The following IL6R variants were observed in gnomAD, a reference collection of about 807,000 sequenced individuals.
IL6R encodes the protein interleukin 6 receptor.
Under a neutral mutation model 48.3 loss-of-function variants are expected in IL6R, and 38 were observed. That is an observed-to-expected ratio of 0.79 (90% CI 0.61 to 1.03). The LOEUF (loss-of-function observed/expected upper bound fraction) is 1.03. Ranked by LOEUF, IL6R falls within the 50% of genes least tolerant of loss-of-function variation. The probability of loss-of-function intolerance (pLI) is 0.00; values close to 1 mark genes in which losing one functional copy is unlikely to be tolerated. For missense variants in IL6R, 534 were observed against 618.3 expected, an observed-to-expected ratio of 0.86 and a Z score of 1.45; for synonymous variants, 264 against 256.2, an observed-to-expected ratio of 1.03 and a Z score of -0.29.
At position 154,449,912 on chromosome 1, in the gene IL6R, C is replaced by A; in HGVS notation, c.998C>A (p.Ala333Glu). Residue 333 changes from alanine (A) to glutamate (E), a missense_variant and splice_region_variant, in exon 8 of 10, where the codon GCA becomes GAA. Ala to Glu is a moderately radical substitution (Grantham distance 107, BLOSUM62 -1). Coordinates refer to ENST00000368485, the MANE Select transcript of IL6R (RefSeq NM_000565.4). Reference protein sequence around the residue: ...AENEVSTPMQALTTNKDDDNI... With the variant: ...AENEVSTPMQELTTNKDDDNI... ...GATGGTGAGGAATGTCTCTTTTAGG[C>A]ACTTACTACTAATAAAGACGATGAT... 1 of 1,597,922 alleles carries A rather than the reference C, an allele frequency of 6.3e-7. No individual in the cohort carries two copies. The highest frequency in any genetic ancestry group is 8.6e-7 in the Non-Finnish European group (1 of 1,165,288).
intron 9 of IL6R, among the ~76,000 whole-genome samples, chr1:154,461,097 A>G (rs1056781432): frequency 1.2e-4 from 19 of 152,292 alleles, no homozygotes; most frequent in African/African-American, 3.8e-4. Flanking sequence ...TGAAGCAGAG[A>G]GCAGGCAGCA....
At chr1:154,417,895 C>T (rs768368223) in intron 1 of IL6R, among the ~76,000 whole-genome samples, 5 of 151,980 alleles carry the variant, frequency 3.3e-5, no homozygotes, top group South Asian at 2.1e-4. Context: ...CCACCATACC[C>T]GGCTAATTTT....
chr1:154,460,907 C>T (rs1691218514), intron 9 of IL6R, among the ~76,000 whole-genome samples: 3 of 152,108 alleles, frequency 2.0e-5, no homozygotes, highest in Admixed American at 6.5e-5. Flanking sequence ...GCACCTGGGC[C>T]TGCGGGACCA....
At chr1:154,463,583 G>A (rs1357276939) in intron 9 of IL6R, among the ~76,000 whole-genome samples, 1 of 152,198 alleles carries the variant, frequency 6.6e-6, no homozygotes, top group African/African-American at 2.4e-5. Flanking sequence ...AATTGAGGGA[G>A]GCCACCTTGT....
intron 1 of IL6R, among the ~76,000 whole-genome samples, chr1:154,422,948 A>T (rs1298265631): frequency 6.6e-6 from 1 of 152,114 alleles, no homozygotes; most frequent in East Asian, 1.9e-4. Context: ...CCCAGGGAAC[A>T]GAAAAACAGA....
intron 1 of IL6R, among the ~76,000 whole-genome samples, chr1:154,428,987 T>C (rs1272197446): frequency 6.6e-6 from 1 of 152,110 alleles, no homozygotes; most frequent in Non-Finnish European, 1.5e-5. Flanking sequence ...GGCTGGATCA[T>C]GGCTTCAGAA....
rs774739787 is a variant in IL6R, at chr1:154,454,493, G to A, written c.1072G>A (p.Asp358Asn). 1 of 1,609,054 alleles carries A rather than the reference G, an allele frequency of 6.2e-7. No homozygotes were observed. Among genetic ancestry groups the A allele is most frequent in the Admixed American group, 1.7e-5 (1 of 59,906 alleles). ...CAATTTTTTTTTTAACCTAGTGCAA[G>A]ATTCTTCTTCAGTACCACTGCCCAC... ...SANATSLPVQ[D>N]SSSVPLPTFL... Residue 358 changes from aspartate to asparagine, a missense_variant, in exon 9 of 10, where the codon GAT becomes AAT. Asp to Asn is a conservative substitution (Grantham distance 23). Coordinates refer to ENST00000368485, the MANE Select transcript of IL6R (RefSeq NM_000565.4).
At position 154,432,397 on chromosome 1, in the gene IL6R, G is replaced by A. The variant is rs372672075; in HGVS notation, c.458+1791G>A. On this transcript the variant is annotated intron_variant, in intron 3 of 9. Coordinates refer to ENST00000368485, the MANE Select transcript of IL6R (RefSeq NM_000565.4). ...TTTTGAGATGGAGTTTCGCTCTGTC[G>A]CCCAGGCTGGAGTGCAGTGGTGGGA... Among the ~76,000 whole-genome samples, 6 of 144,666 alleles carry A rather than the reference G, an allele frequency of 4.1e-5. No homozygotes were observed. The East Asian group carries it at 8.0e-4, about 19-fold the overall frequency. The allele number at this position is 144,666 out of a possible 152,430, so 94.9% of individuals were successfully genotyped here.
At chr1:154,462,389 T>C (rs1428816903) in intron 9 of IL6R, among the ~76,000 whole-genome samples, 1 of 151,912 alleles carries the variant, frequency 6.6e-6, no homozygotes, top group Non-Finnish European at 1.5e-5. Flanking sequence ...TTTTTTTTTT[T>C]TGAGACGGAG....
chr1:154,414,671 C>T (rs1002451969), intron 1 of IL6R: 1 of 858,618 alleles, frequency 1.2e-6, no homozygotes, highest in African/African-American at 1.7e-5. Flanking sequence ...AGGATGTTAC[C>T]CTTGGCCAGG....
In IL6R at chr1:154,429,202, C is replaced by T. The variant is rs868345266; in HGVS notation, c.92C>T (p.Ala31Val). ...APRRCPAQEV[A>V]RGVLTSLPGD... is the part of the protein sequence containing the mutation. ...TGTCTTCTCCCTCCTCCAGAGGTGG[C>T]GAGAGGCGTGCTGACCAGTCTGCCA... Residue 31 changes from alanine (A) to valine (V), a missense_variant, in exon 2 of 10, where the codon GCG becomes GTG. Ala to Val is a moderately conservative substitution (Grantham distance 64). Transcript: ENST00000368485. 7.5e-6 allele frequency: 12 copies of T among 1,610,524 alleles called. No individual in the cohort carries two copies. Among genetic ancestry groups the T allele is most frequent in the Admixed American group, 1.7e-5 (1 of 59,946 alleles).
chr1:154,446,657 G>C (rs11265614), intron 6 of IL6R, among the ~76,000 whole-genome samples: 9,809 of 152,220 alleles, frequency 0.064, 862 homozygotes, highest in African/African-American at 0.2. Flanking sequence ...TCCCGTGCAG[G>C]GGGAGGGAGC....
chr1:154,441,139 A>G (rs1215190135), intron 6 of IL6R, among the ~76,000 whole-genome samples: 1 of 152,228 alleles, frequency 6.6e-6, no homozygotes, highest in Non-Finnish European at 1.5e-5. Context: ...CCAGACCTGC[A>G]TCTGCTTGGG....
In IL6R at chr1:154,429,395, A is replaced by G. The variant is rs113787847; in HGVS notation, c.285A>G (p.Ser95=). 5.1e-5 allele frequency: 82 copies of G among 1,613,836 alleles called. No homozygotes were observed. The African/African-American group carries it at 7.1e-4, about 14-fold the overall frequency. ...SVQLHDSGNY[S]CYRAGRPAGT... ...AGCTCCACGACTCTGGAAACTATTC[A>G]TGCTACCGGGCCGGCCGCCCAGCTG... Residue 95 remains serine, a synonymous_variant, in exon 2 of 10, where the codon TCA becomes TCG. Transcript: ENST00000368485.
intron 6 of IL6R, 109 bp downstream of exon 6, chr1:154,436,219 G>GA: frequency 1.6e-6 from 2 of 1,257,720 alleles, no homozygotes; most frequent in Non-Finnish European, 2.2e-6. Flanking sequence ...GGCCAGGTGT[G>GA]GTGGCTCACA....
At position 154,430,576 on chromosome 1, in the gene IL6R, C is replaced by T. The variant is rs147394499; in HGVS notation, c.428C>T (p.Thr143Met). Residue 143 changes from threonine (T) to methionine (M), a missense_variant, in exon 3 of 10, where the codon ACG becomes ATG. Physicochemically the swap from Thr to Met is moderately conservative, Grantham distance 81. Coordinates refer to ENST00000368485, the MANE Select transcript of IL6R (RefSeq NM_000565.4). ...GGTCCTCGGAGCACCCCATCCCTGA[C>T]GACAAAGGCTGTGCTCTTGGTGAGG... is the stretch of plus-strand genomic sequence containing the variant. ...EWGPRSTPSL[T>M]TKAVLLVRKF... 1.4e-5 allele frequency: 22 copies of T among 1,614,062 alleles called. No homozygotes were observed. Among genetic ancestry groups the T allele is most frequent in the African/African-American group, 5.3e-5 (4 of 74,908 alleles).
chr1:154,432,419 G>A (rs1689343784), intron 3 of IL6R, among the ~76,000 whole-genome samples: 1 of 150,552 alleles, frequency 6.6e-6, no homozygotes, highest in African/African-American at 2.5e-5. Flanking sequence ...GTGCAGTGGT[G>A]GGATCTCGGC....
In IL6R at chr1:154,429,416, A is replaced by C. The variant is rs762628881; in HGVS notation, c.306A>C (p.Pro102=). 6.2e-7 allele frequency: 1 copy of C among 1,613,226 alleles called. No homozygotes were observed. The highest frequency in any genetic ancestry group is 8.5e-7 in the Non-Finnish European group (1 of 1,179,346). Residue 102 remains proline (P), a synonymous_variant, in exon 2 of 10, where the codon CCA becomes CCC. Coordinates refer to ENST00000368485, the MANE Select transcript of IL6R (RefSeq NM_000565.4). The part of the protein sequence containing the change: ...GNYSCYRAGR[P]AGTVHLLVDV... ...ATTCATGCTACCGGGCCGGCCGCCCAGCTGGGACTGTGCACTTGCTGGTGG... is the reference window on the plus strand; with the variant it reads ...ATTCATGCTACCGGGCCGGCCGCCCCGCTGGGACTGTGCACTTGCTGGTGG...
intron 7 of IL6R, among the ~76,000 whole-genome samples, chr1:154,449,048 C>T (rs1293953949): frequency 2.0e-5 from 3 of 146,998 alleles, no homozygotes; most frequent in Non-Finnish European, 4.5e-5. Context: ...CGCCCGCGAC[C>T]GCGCCTGGCT....
Sources: gnomAD v4.1 joint callset for allele counts (sites outside exome capture counted in the v4.1 genomes callset) on GRCh38, gnomAD v4.1.1 for gene constraint, MANE v1.5 for transcripts, NCBI Gene and HGNC (gene_info 2026-07-23, HGNC 2026-07-21) for gene names.